The following PSTPIP2 variants were observed in gnomAD, a reference collection of about 807,000 sequenced individuals.
PSTPIP2 encodes proline-serine-threonine phosphatase-interacting protein 2.
PSTPIP2 carries 33 observed loss-of-function variants against 63.3 expected under a neutral mutation model. The ratio of observed to expected loss-of-function variants is 0.52; its 90% CI spans 0.40 to 0.70. The LOEUF is 0.70. Among genes scored for constraint, PSTPIP2 ranks in the 30% least tolerant of loss-of-function variants. The pLI, the probability that PSTPIP2 is intolerant of heterozygous loss-of-function variation, is 0.00. For missense variants in PSTPIP2, 312 were observed against 400.7 expected, an observed-to-expected ratio of 0.78 and a Z score of 1.89; for synonymous variants, 125 against 132.7, an observed-to-expected ratio of 0.94 and a Z score of 0.40.
At chr18:46,016,343 A>C (rs189784079) in intron 3 of PSTPIP2, 18 of 168,844 alleles carry the variant, frequency 1.1e-4, no homozygotes, top group Non-Finnish European at 2.6e-5. Context: ...CAGCCTGCGC[A>C]ACAGAGCAAA....
chr18:46,052,443 T>G (rs1397625908), intron 1 of PSTPIP2, among the ~76,000 whole-genome samples: 1 of 152,202 alleles, frequency 6.6e-6, no homozygotes, highest in African/African-American at 2.4e-5. Flanking sequence ...ACCATATAAC[T>G]TTGAAGACCT....
chr18:45,999,576 A>G (rs777956561), intron 6 of PSTPIP2, 42 bp from the exon 7 acceptor site: 4 of 1,606,704 alleles, frequency 2.5e-6, no homozygotes, highest in East Asian at 4.5e-5. Flanking sequence ...AAATGAACAG[A>G]GTGTAACCAT....
At chr18:46,024,485 T>A (rs544853001) in intron 3 of PSTPIP2, 124 bp downstream of exon 3, 2 of 772,088 alleles carry the variant, frequency 2.6e-6, no homozygotes, top group East Asian at 4.9e-5. Context: ...TGAGATCCCA[T>A]CTCCAAAAAA....
At chr18:46,018,932 C>T (rs2051881527) in intron 3 of PSTPIP2, among the ~76,000 whole-genome samples, 1 of 152,174 alleles carries the variant, frequency 6.6e-6, no homozygotes, top group Admixed American at 6.5e-5. Flanking sequence ...TTCCCAATAT[C>T]TAGTCTACCA....
chr18:46,015,954 C>T lies in PSTPIP2; in HGVS notation c.213-17G>A, dbSNP rs765513977. On this transcript the variant is annotated splice_polypyrimidine_tract_variant and intron_variant, in intron 3 of 14. Coordinates refer to ENST00000409746, the MANE Select transcript of PSTPIP2 (RefSeq NM_024430.4). ...TTCAGGGTGCTAAAAAAAACAAGCA[C>T]ATATATAATTTCAGTTCTGGAAATT... 39 of 1,610,612 alleles carry T rather than the reference C, an allele frequency of 2.4e-5. No individual in the cohort carries two copies. The highest frequency in any genetic ancestry group is 3.1e-5 in the Non-Finnish European group (37 of 1,177,680).
chr18:46,009,638 T>C (rs2144080627), intron 5 of PSTPIP2, among the ~76,000 whole-genome samples: 1 of 152,252 alleles, frequency 6.6e-6, no homozygotes, highest in East Asian at 1.9e-4. Context: ...TGTAGCTTAT[T>C]AGGATGAGGA....
At chr18:46,001,757 T>C (rs1406349869) in intron 6 of PSTPIP2, among the ~76,000 whole-genome samples, 1 of 152,124 alleles carries the variant, frequency 6.6e-6, no homozygotes, top group Non-Finnish European at 1.5e-5. Context: ...TTAAAAAAAT[T>C]TTTGTGGGTA....
At chr18:46,010,983 A>ATT (rs2051789186) in intron 5 of PSTPIP2, 198 bp downstream of exon 5, 1 of 528,438 alleles carries the variant, frequency 1.9e-6, no homozygotes, top group Non-Finnish European at 3.4e-6. Flanking sequence ...TGTGAACTTT[A>ATT]AAAAAGGACA....
At chr18:46,060,555 A>G (rs1190766008) in intron 1 of PSTPIP2, among the ~76,000 whole-genome samples, 6 of 152,062 alleles carry the variant, frequency 3.9e-5, no homozygotes. Flanking sequence ...GTAGACCCCA[A>G]ATGACTCCTA....
intron 1 of PSTPIP2, among the ~76,000 whole-genome samples, chr18:46,062,478 T>TAAAAAGAAAAAGAAAAAG (rs11270755): frequency 4.6e-4 from 69 of 149,918 alleles, no homozygotes; most frequent in African/African-American, 1.4e-3. Flanking sequence ...CCATCTCTAC[T>TAAAAAGAAAAAGAAAAAG]AAAAAGAAAA....
chr18:46,052,953 T>C (rs1908632972), intron 1 of PSTPIP2, among the ~76,000 whole-genome samples: 1 of 152,186 alleles, frequency 6.6e-6, no homozygotes, highest in African/African-American at 2.4e-5. Flanking sequence ...TTTTTACAAA[T>C]GAAAAAACAA....
intron 1 of PSTPIP2, among the ~76,000 whole-genome samples, chr18:46,044,646 A>G (rs1316911431): frequency 1.3e-5 from 2 of 152,078 alleles, no homozygotes; most frequent in Non-Finnish European, 2.9e-5. Context: ...ACAAAAGCCA[A>G]AATTGACAAA....
At chr18:45,986,445 A>G (rs1568206423) in intron 14 of PSTPIP2, among the ~76,000 whole-genome samples, 1 of 152,250 alleles carries the variant, frequency 6.6e-6, no homozygotes, top group Non-Finnish European at 1.5e-5. Context: ...CTTTACCCAA[A>G]CAAGTAAGAA....
At chr18:46,046,641 TAAG>T (rs375096286) in intron 1 of PSTPIP2, among the ~76,000 whole-genome samples, 64 of 152,280 alleles carry the variant, frequency 4.2e-4, no homozygotes, top group African/African-American at 1.5e-3. Context: ...GAGGAGCTTA[TAAG>T]AAGAAGAAAG....
chr18:46,000,025 G>A (rs1459416421), intron 6 of PSTPIP2, among the ~76,000 whole-genome samples: 4 of 152,170 alleles, frequency 2.6e-5, no homozygotes, highest in Admixed American at 2.0e-4. Flanking sequence ...TGTGGTCCCA[G>A]CTACTTGGGA....
At chr18:46,012,587 C>A (rs2051810852) in intron 4 of PSTPIP2, among the ~76,000 whole-genome samples, 1 of 152,128 alleles carries the variant, frequency 6.6e-6, no homozygotes, top group Non-Finnish European at 1.5e-5. Context: ...ATTCTGGCAA[C>A]ATGGTGAAAC....
At chr18:46,028,909 A>C in intron 2 of PSTPIP2, 1 of 1,536,666 alleles carries the variant, frequency 6.5e-7, no homozygotes, top group East Asian at 2.3e-5. Flanking sequence ...TCCAAGAGGA[A>C]TCCTGAAGAT....
intron 1 of PSTPIP2, among the ~76,000 whole-genome samples, chr18:46,052,603 T>G (rs1267996426): frequency 6.6e-6 from 1 of 152,188 alleles, no homozygotes; most frequent in Non-Finnish European, 1.5e-5. Context: ...AAACCTGACC[T>G]CAGTGCATTC....
rs112975895 is a variant in PSTPIP2, at chr18:46,028,626, A to G, written c.135-3940T>C. 7.6e-3 allele frequency: 6,111 copies of G among 800,008 alleles called. 235 individuals are homozygous for G. The highest frequency in any genetic ancestry group is 0.065 in the Admixed American group (3,640 of 56,032). 49.6% of individuals were successfully genotyped at this position (800,008 alleles called of 1,614,324 possible). On this transcript the variant is annotated intron_variant, in intron 2 of 14. Transcript: ENST00000409746. ...TAATTGTGCACCTCAAAAGAAGCCA[A>G]TTTGGGTGGATGAAGAAGATGAAGA... is the stretch of plus-strand genomic sequence containing the variant.
Sources: gnomAD v4.1 joint callset for allele counts (sites outside exome capture counted in the v4.1 genomes callset) on GRCh38, gnomAD v4.1.1 for gene constraint, MANE v1.5 for transcripts, NCBI Gene and HGNC (gene_info 2026-07-23, HGNC 2026-07-21) for gene names.